The following CHM variants were observed in gnomAD, a reference collection of about 807,000 sequenced individuals.
The protein encoded by CHM is rab proteins geranylgeranyltransferase component A 1.
In CHM, 10 loss-of-function variants were observed where a neutral mutation model predicts 49.0. The ratio of observed to expected loss-of-function variants is 0.20; its 90% CI spans 0.13 to 0.35. The LOEUF (loss-of-function observed/expected upper bound fraction) is 0.35. Among genes scored for constraint, CHM ranks in the 10% least tolerant of loss-of-function variants. The pLI is 1.00. For synonymous variants in CHM, 184 were observed against 167.5 expected, an observed-to-expected ratio of 1.10 and a Z score of -0.76; for missense variants, 455 against 478.4, an observed-to-expected ratio of 0.95 and a Z score of 0.46.
chrX:86,038,866 A>G (rs1934344544), intron 1 of CHM, among the ~76,000 whole-genome samples: 1 of 112,503 alleles, frequency 8.9e-6, no homozygotes, highest in Non-Finnish European at 1.9e-5. Context: ...ATAACTCTCC[A>G]AAATAAAACA....
chrX:85,916,845 G>A (rs756698065), intron 8 of CHM, among the ~76,000 whole-genome samples: 48 of 112,331 alleles, frequency 4.3e-4, no homozygotes, highest in African/African-American at 1.5e-3. Context: ...CACTGTTGGT[G>A]GGAGTGCAAA....
At chrX:86,016,131 T>A (rs539799384) in intron 2 of CHM, among the ~76,000 whole-genome samples, 32 of 109,211 alleles carry the variant, frequency 2.9e-4, no homozygotes, top group African/African-American at 8.8e-4. Context: ...AGCCTTTGTC[T>A]CAAAAAATAA....
intron 8 of CHM, among the ~76,000 whole-genome samples, chrX:85,935,603 G>A (rs35337658): frequency 2.1e-3 from 234 of 111,695 alleles, no homozygotes; most frequent in Non-Finnish European, 3.2e-3. Flanking sequence ...GTAACACAAT[G>A]GTATTTGTGT....
intron 14 of CHM, among the ~76,000 whole-genome samples, chrX:85,869,530 A>C (rs1424320662): frequency 2.8e-5 from 3 of 109,022 alleles, no homozygotes; most frequent in African/African-American, 1.0e-4. Flanking sequence ...TTGTCACACC[A>C]CTCTTTCTTG....
intron 1 of CHM, among the ~76,000 whole-genome samples, chrX:86,029,071 A>G (rs1933948102): frequency 8.9e-6 from 1 of 112,445 alleles, no homozygotes; most frequent in Non-Finnish European, 1.9e-5. Context: ...TTGTGGGAAT[A>G]TAATGCTTGG....
rs193060529 is a variant in CHM at position 85,871,697 on chromosome X, A to C, written c.1770+1355T>G. Among the ~76,000 whole-genome samples the C allele has an allele frequency of 2.5e-4, 28 of 111,672 alleles. No individual in the cohort carries two copies. The East Asian group carries it at 7.0e-3, about 28-fold the overall frequency. On this transcript the variant is annotated intron_variant, in intron 14 of 14. Transcript: ENST00000357749. Reference sequence around the variant, plus strand: ...CTGAAGATTATATTCTTGAGAAGCAAATTACCTCATGATAAAATTATCCCT... The same window carrying C: ...CTGAAGATTATATTCTTGAGAAGCACATTACCTCATGATAAAATTATCCCT...
chrX:85,995,359 G>A (rs5967664), intron 2 of CHM, among the ~76,000 whole-genome samples: 18,158 of 104,014 alleles, frequency 0.17, 1,553 homozygotes, highest in Non-Finnish European at 0.25. Context: ...CAGGTAACTC[G>A]CTGGACCCTC....
At chrX:85,930,745 T>C (rs755201073) in intron 8 of CHM, among the ~76,000 whole-genome samples, 1 of 111,854 alleles carries the variant, frequency 8.9e-6, no homozygotes, top group African/African-American at 3.2e-5. Flanking sequence ...ACTTAATTTC[T>C]CCAACTTATG....
At chrX:86,034,154 T>C (rs746021982) in intron 1 of CHM, among the ~76,000 whole-genome samples, 3 of 111,616 alleles carry the variant, frequency 2.7e-5, no homozygotes, top group Non-Finnish European at 3.8e-5. Flanking sequence ...CTTATAGATA[T>C]CCTTATTAGA....
At chrX:86,025,680 A>C (rs1182118081) in intron 2 of CHM, among the ~76,000 whole-genome samples, 1 of 105,774 alleles carries the variant, frequency 9.5e-6, no homozygotes, top group Non-Finnish European at 1.9e-5. Flanking sequence ...CTGTGTCAAA[A>C]AAAAAAAAAG....
At chrX:86,003,791 G>T (rs1044321195) in intron 2 of CHM, among the ~76,000 whole-genome samples, 5 of 112,122 alleles carry the variant, frequency 4.5e-5, no homozygotes, top group Non-Finnish European at 9.4e-5. Context: ...TTTGACTGCT[G>T]TATCTGAAAG....
At chrX:86,032,479 T>C (rs1351773631) in intron 1 of CHM, among the ~76,000 whole-genome samples, 1 of 110,145 alleles carries the variant, frequency 9.1e-6, no homozygotes, top group African/African-American at 3.3e-5. Flanking sequence ...ATTAGTTATT[T>C]GAAGGAAAAA....
intron 8 of CHM, among the ~76,000 whole-genome samples, chrX:85,951,627 G>C (rs192877152): frequency 8.9e-6 from 1 of 111,819 alleles, no homozygotes; most frequent in East Asian, 2.8e-4. Context: ...CAACCCAATA[G>C]ACAAATGGGC....
intron 12 of CHM, among the ~76,000 whole-genome samples, chrX:85,892,365 T>C (rs1925524214): frequency 1.8e-5 from 2 of 111,358 alleles, no homozygotes; most frequent in African/African-American, 6.5e-5. Flanking sequence ...TTCCCATGTG[T>C]TGTGGGAGGG....
At chrX:85,958,154 G>A (rs1163809252) in intron 6 of CHM, among the ~76,000 whole-genome samples, 179 bp from the exon 7 acceptor site, 5 of 111,814 alleles carry the variant, frequency 4.5e-5, no homozygotes, top group African/African-American at 1.6e-4. Flanking sequence ...CTAATTGTGA[G>A]CTTTCTTACT....
At chrX:85,928,506 G>A (rs1277998696) in intron 8 of CHM, among the ~76,000 whole-genome samples, 1 of 111,523 alleles carries the variant, frequency 9.0e-6, no homozygotes, top group Non-Finnish European at 1.9e-5. Context: ...TCGCGCCACT[G>A]CACTACAGCC....
chrX:85,958,465 T>A (rs1237061776), intron 6 of CHM, among the ~76,000 whole-genome samples: 7 of 111,142 alleles, frequency 6.3e-5, no homozygotes, highest in African/African-American at 2.3e-4. Context: ...TCAGCTGTCA[T>A]AAGGGTAAGA....
rs149033938 is a variant in CHM, at chrX:85,997,719, A to G, written c.117-15910T>C. Among the ~76,000 whole-genome samples the G allele has an allele frequency of 1.6e-3, 181 of 111,225 alleles. 1 individual carries two copies. Among genetic ancestry groups the G allele is most frequent in the African/African-American group, 5.7e-3 (174 of 30,583 alleles). ...ACCTGTAATCCCAGCACTTTGGCCA[A>G]TGGGTAAATCACTTGAGATCAGGAG... On this transcript the variant is annotated intron_variant, in intron 2 of 14. Transcript: ENST00000357749.
intron 2 of CHM, among the ~76,000 whole-genome samples, chrX:85,982,324 C>T (rs964111757): frequency 7.2e-5 from 8 of 110,596 alleles, no homozygotes; most frequent in Non-Finnish European, 1.3e-4. Context: ...CAATTGGCTA[C>T]TCTAGATAAA....
Sources: gnomAD v4.1 joint callset for allele counts (sites outside exome capture counted in the v4.1 genomes callset) on GRCh38, gnomAD v4.1.1 for gene constraint, MANE v1.5 for transcripts, NCBI Gene and HGNC (gene_info 2026-07-23, HGNC 2026-07-21) for gene names.